Variants in MAP3K13 observed in about 807,000 individuals in gnomAD.
MAP3K13 encodes the protein mitogen-activated protein kinase kinase kinase 13.
A neutral mutation model predicts 104.0 loss-of-function variants in MAP3K13; 52 were observed. That is an observed-to-expected ratio of 0.50 (90% CI 0.40 to 0.63). The LOEUF (loss-of-function observed/expected upper bound fraction) is 0.63. MAP3K13 is among the 20% of genes least tolerant of loss of function. MAP3K13 has a pLI of 0.00. For missense variants in MAP3K13, 914 were observed against 1,218.5 expected (o/e 0.75, Z 3.72); for synonymous variants, 394 against 442.2 (o/e 0.89, Z 1.37).
At chr3:185,469,240 G>A (rs1457572393) in intron 10 of MAP3K13, among the ~76,000 whole-genome samples, 1 of 152,156 alleles carries the variant, frequency 6.6e-6, no homozygotes, top group Non-Finnish European at 1.5e-5. Flanking sequence ...AGAGTGTCAA[G>A]TTCAGTCATG....
At chr3:185,314,977 G>A (rs1026968370) in intron 2 of MAP3K13, among the ~76,000 whole-genome samples, 1 of 152,132 alleles carries the variant, frequency 6.6e-6, no homozygotes, top group Admixed American at 6.5e-5. Flanking sequence ...TGTTGGCCAG[G>A]TGCGGTGGCT....
chr3:185,455,147 G>GAGATATATATATGATATATA (rs1560118504), intron 7 of MAP3K13, among the ~76,000 whole-genome samples: 2 of 86,974 alleles, frequency 2.3e-5, no homozygotes, highest in African/African-American at 8.2e-5. Flanking sequence ...TGATATATAT[G>GAGATATATATATGATATATA]TGAGATATAT....
intron 2 of MAP3K13, among the ~76,000 whole-genome samples, chr3:185,341,690 G>C (rs1722728449): frequency 6.6e-6 from 1 of 152,192 alleles, no homozygotes; most frequent in Non-Finnish European, 1.5e-5. Flanking sequence ...AGCTTCTAAT[G>C]AATAGAATAA....
Position 185,480,249 on chromosome 3 carries a change from G to A in MAP3K13, c.2519G>A (p.Ser840Asn). 1 of 1,614,004 alleles carries A rather than the reference G, an allele frequency of 6.2e-7. No homozygotes were observed. The highest frequency in any genetic ancestry group is 8.5e-7 in the Non-Finnish European group (1 of 1,179,972). Residue 840 changes from serine (S) to asparagine (N), a missense_variant, in exon 13 of 14, where the codon AGC becomes AAC. Transcript: ENST00000265026. ...GGTTCTAGGCCCCATCGCTGTATCA[G>A]CAGCTGCCAGTCATATTCAACCTTT... Reference protein sequence around the residue: ...PRRQRPHRCISSCQSYSTFSS... With the variant: ...PRRQRPHRCINSCQSYSTFSS...
At chr3:185,469,784 T>C (rs1717670078) in intron 10 of MAP3K13, among the ~76,000 whole-genome samples, 1 of 152,220 alleles carries the variant, frequency 6.6e-6, no homozygotes, top group Non-Finnish European at 1.5e-5. Context: ...AGTCTTCGTG[T>C]TTAACAAGCT....
At position 185,473,452 on chromosome 3, in the gene MAP3K13, CTG is replaced by C; in HGVS notation, c.2122_2123del (p.Trp708GlufsTer4). 6.2e-7 allele frequency: 1 copy of C among 1,614,212 alleles called. No individual in the cohort carries two copies. The highest frequency in any genetic ancestry group is 8.5e-7 in the Non-Finnish European group (1 of 1,180,040). ...TCTCCACAGCCATGGCTGCAGACTG[CTG>C]GAGAAGTTCTGAGCCTGACAAGGGC... ...LISTAMAADCWRSSEPDKGQA... is the reference protein window; with the variant it reads ...LISTAMAADCXRSSEPDKGQA... On this transcript the variant is annotated frameshift_variant, in exon 11 of 14. Coordinates refer to ENST00000265026, the MANE Select transcript of MAP3K13 (RefSeq NM_004721.5). LOFTEE classifies it high-confidence loss of function. This position sits in a 1 kb window ranked among gnomAD's most constrained non-coding sequence, Gnocchi z 4.9.
intron 1 of MAP3K13, among the ~76,000 whole-genome samples, chr3:185,381,597 A>T (rs1724724874): frequency 6.6e-6 from 1 of 152,166 alleles, no homozygotes; most frequent in Admixed American, 6.5e-5. Context: ...AGGTCTACTT[A>T]GTGCCCTGTT....
chr3:185,291,658 C>T, intron 2 of MAP3K13: 1 of 1,532,326 alleles, frequency 6.5e-7, no homozygotes, highest in Non-Finnish European at 8.7e-7. Flanking sequence ...CATCATTATG[C>T]ATTCAAGATT....
At chr3:185,353,487 C>T (rs530456050) in intron 2 of MAP3K13, among the ~76,000 whole-genome samples, 6 of 152,324 alleles carry the variant, frequency 3.9e-5, no homozygotes, top group East Asian at 3.9e-4. Flanking sequence ...GTGTGGGCTA[C>T]GGTCGGTTTA....
At chr3:185,314,754 C>G (rs1721616593) in intron 2 of MAP3K13, among the ~76,000 whole-genome samples, 1 of 152,194 alleles carries the variant, frequency 6.6e-6, no homozygotes, top group Non-Finnish European at 1.5e-5. Context: ...CCTCCTGCCT[C>G]AGCCTCCCAA....
intron 2 of MAP3K13, among the ~76,000 whole-genome samples, chr3:185,349,129 T>C (rs1432975716): frequency 6.6e-6 from 1 of 152,012 alleles, no homozygotes; most frequent in Middle Eastern, 3.4e-3. Flanking sequence ...ACTTATTCTT[T>C]TTTTTTTTTA....
Position 185,473,054 on chromosome 3 carries a change from A to G in MAP3K13, c.1723A>G (p.Met575Val). 3 of 1,614,150 alleles carry G rather than the reference A, an allele frequency of 1.9e-6. No homozygotes were observed. The highest frequency in any genetic ancestry group is 2.5e-6 in the Non-Finnish European group (3 of 1,180,024). The change falls in exon 11 of 14, where the codon ATG (methionine) becomes GTG (valine). Residue 575 changes from methionine (M) to valine (V), a missense_variant. This residue lies in a region of MAP3K13 where 583 missense variants were observed against 737.4 expected (regional missense o/e 0.79). Transcript: ENST00000265026. The surrounding 1 kb of genome is among the most constrained non-coding windows in gnomAD (Gnocchi z 4.9). ...TASPLSGSPK[M>V]STSSSKSRYR... ...ATCCCCTTTGTCCGGAAGTCCCAAAATGTCCACTTCTAGCAGCAAGAGCCG... is the reference window on the plus strand; with the variant it reads ...ATCCCCTTTGTCCGGAAGTCCCAAAGTGTCCACTTCTAGCAGCAAGAGCCG...
chr3:185,422,695 T>C (rs1254211562), intron 1 of MAP3K13, among the ~76,000 whole-genome samples: 3 of 152,254 alleles, frequency 2.0e-5, no homozygotes, highest in African/African-American at 7.2e-5. Flanking sequence ...AGTAAGTGTT[T>C]GGCTGAAATT....
At chr3:185,306,955 T>G (rs2108683224) in intron 2 of MAP3K13, among the ~76,000 whole-genome samples, 1 of 152,370 alleles carries the variant, frequency 6.6e-6, no homozygotes, top group South Asian at 2.1e-4. Context: ...ACAGTTTTGC[T>G]GGCTACAGTA....
chr3:185,396,080 G>A (rs553058009), intron 1 of MAP3K13, among the ~76,000 whole-genome samples: 1 of 152,142 alleles, frequency 6.6e-6, no homozygotes, highest in African/African-American at 2.4e-5. Flanking sequence ...ATCACAAATA[G>A]GTATATTCGG....
chr3:185,351,432 G>A (rs1381423119), intron 2 of MAP3K13, among the ~76,000 whole-genome samples: 2 of 152,082 alleles, frequency 1.3e-5, no homozygotes, highest in Admixed American at 1.3e-4. Context: ...CAGGATTACC[G>A]AGTGAATGTT....
intron 1 of MAP3K13, among the ~76,000 whole-genome samples, chr3:185,382,747 G>A (rs564819846): frequency 6.6e-6 from 1 of 152,144 alleles, no homozygotes; most frequent in Non-Finnish European, 1.5e-5. Context: ...GCTCATGCCT[G>A]TAATCCCAGC....
intron 1 of MAP3K13, among the ~76,000 whole-genome samples, chr3:185,428,034 G>A (rs372613729): frequency 2.7e-5 from 4 of 150,878 alleles, no homozygotes; most frequent in African/African-American, 4.9e-5. Context: ...AGCCGAGATC[G>A]CGCCATTGCA....
chr3:185,345,705 A>G (rs1300325274), intron 2 of MAP3K13, among the ~76,000 whole-genome samples: 3 of 152,208 alleles, frequency 2.0e-5, no homozygotes, highest in Non-Finnish European at 4.4e-5. Context: ...CAGGAAAAAA[A>G]GCACAGGGCT....
Sources: allele counts gnomAD v4.1 joint callset (sites outside exome capture counted in the v4.1 genomes callset), GRCh38; gene constraint gnomAD v4.1.1; regional missense constraint gnomAD v4.1.1; non-coding constraint Gnocchi (gnomAD v3.1); transcripts MANE v1.5; gene names NCBI Gene and HGNC (gene_info 2026-07-23, HGNC 2026-07-21).